GRM7: variants seen among roughly 807,000 people sequenced by gnomAD.
GRM7 encodes the protein metabotropic glutamate receptor 7.
GRM7 carries 35 observed loss-of-function variants against 84.5 expected under a neutral mutation model. The ratio of observed to expected loss-of-function variants is 0.41; its 90% confidence interval spans 0.32 to 0.55. The LOEUF (loss-of-function observed/expected upper bound fraction) is 0.55. Ranked by LOEUF, GRM7 falls within the 20% of genes least tolerant of loss-of-function variation. The pLI, the probability that GRM7 is intolerant of heterozygous loss-of-function variation, is 0.19. For missense variants in GRM7, 1,003 were observed against 1,194.6 expected, an observed-to-expected ratio of 0.84 and a Z score of 2.36; for synonymous variants, 487 against 455.1, an observed-to-expected ratio of 1.07 and a Z score of -0.89.
At chr3:7,216,194 A>T (rs1696603758) in intron 2 of GRM7, among the ~76,000 whole-genome samples, 1 of 152,164 alleles carries the variant, frequency 6.6e-6, no homozygotes, top group South Asian at 2.1e-4. Context: ...TGCCTAATTG[A>T]ACAGGTGACT....
chr3:7,159,116 G>GT (rs1694543725), intron 2 of GRM7, among the ~76,000 whole-genome samples: 1 of 152,116 alleles, frequency 6.6e-6, no homozygotes, highest in African/African-American at 2.4e-5. Flanking sequence ...TTATAGATTA[G>GT]TTATGTGTGT....
chr3:7,273,201 TAA>T (rs372735031), intron 2 of GRM7, among the ~76,000 whole-genome samples: 325 of 150,214 alleles, frequency 2.2e-3, no homozygotes, highest in African/African-American at 7.5e-3. Context: ...TATTGTGGTC[TAA>T]ATACACAGAC....
chr3:6,971,017 CGAGA>C (rs1459829138), intron 1 of GRM7, among the ~76,000 whole-genome samples: 2 of 128,520 alleles, frequency 1.6e-5, no homozygotes, highest in Admixed American at 1.5e-4. Context: ...CAAACAAAAC[CGAGA>C]GAGAGATGAT....
At chr3:7,456,876 G>A (rs1698040330) in intron 6 of GRM7, among the ~76,000 whole-genome samples, 1 of 152,094 alleles carries the variant, frequency 6.6e-6, no homozygotes, top group Non-Finnish European at 1.5e-5. Context: ...AATTTAATCA[G>A]TGGGTCCTAT....
chr3:7,704,204 A>T (rs1012175345), intron 9 of GRM7, among the ~76,000 whole-genome samples: 1 of 152,238 alleles, frequency 6.6e-6, no homozygotes, highest in Non-Finnish European at 1.5e-5. Context: ...TAAATTCAAA[A>T]GTTTTAAAGC....
At chr3:7,389,451 G>A (rs1694906437) in intron 4 of GRM7, among the ~76,000 whole-genome samples, 1 of 152,038 alleles carries the variant, frequency 6.6e-6, no homozygotes, top group Non-Finnish European at 1.5e-5. Flanking sequence ...CTAATGCTTT[G>A]ATGGGTGTGT....
intron 1 of GRM7, among the ~76,000 whole-genome samples, chr3:7,030,131 C>T (rs1021617807): frequency 6.6e-6 from 1 of 151,934 alleles, no homozygotes; most frequent in Non-Finnish European, 1.5e-5. Flanking sequence ...ACTATCAAGG[C>T]AAACATCAAC....
At chr3:7,316,052 G>A (rs9824902) in intron 4 of GRM7, among the ~76,000 whole-genome samples, 2,121 of 152,214 alleles carry the variant, frequency 0.014, 56 homozygotes, top group African/African-American at 0.048. Context: ...ATAAATAAAG[G>A]AATTATCCAA....
chr3:7,688,009 T>A (rs532744350), intron 9 of GRM7, among the ~76,000 whole-genome samples: 1 of 152,126 alleles, frequency 6.6e-6, no homozygotes, highest in African/African-American at 2.4e-5. Flanking sequence ...AAGTTTTTTT[T>A]GTAGTACAAG....
chr3:6,973,734 AT>A (rs1693865976), intron 1 of GRM7, among the ~76,000 whole-genome samples: 1 of 152,234 alleles, frequency 6.6e-6, no homozygotes, highest in African/African-American at 2.4e-5. Context: ...TGCCTAGAAT[AT>A]TCAAAGAGCA....
chr3:7,674,690 G>A (rs1205172410), intron 8 of GRM7, among the ~76,000 whole-genome samples: 1 of 152,174 alleles, frequency 6.6e-6, no homozygotes, highest in African/African-American at 2.4e-5. Flanking sequence ...TTGTGCAACA[G>A]ATGTCTTTCT....
chr3:7,184,533 A>C (rs1695450364), intron 2 of GRM7, among the ~76,000 whole-genome samples: 1 of 152,110 alleles, frequency 6.6e-6, no homozygotes, highest in African/African-American at 2.4e-5. Flanking sequence ...ATTCAGATAT[A>C]ATTCTTTTCT....
intron 2 of GRM7, among the ~76,000 whole-genome samples, chr3:7,291,970 C>A (rs147063433): frequency 0.014 from 2,109 of 152,282 alleles, 19 homozygotes; most frequent in Non-Finnish European, 0.021. Context: ...TAAAGGGAAA[C>A]CCATTTCGCT....
At chr3:7,266,864 G>A (rs923716657) in intron 2 of GRM7, among the ~76,000 whole-genome samples, 1 of 152,122 alleles carries the variant, frequency 6.6e-6, no homozygotes, top group Non-Finnish European at 1.5e-5. Context: ...TCTCAAATAA[G>A]TTTTACTCTG....
At chr3:7,445,690 A>G (rs548428035) in intron 5 of GRM7, among the ~76,000 whole-genome samples, 1 of 152,364 alleles carries the variant, frequency 6.6e-6, no homozygotes. Flanking sequence ...AAATGTGGAC[A>G]CTATGAAAGA....
At chr3:7,112,978 C>T (rs1301664695) in intron 1 of GRM7, among the ~76,000 whole-genome samples, 2 of 152,002 alleles carry the variant, frequency 1.3e-5, no homozygotes, top group African/African-American at 4.8e-5. Flanking sequence ...TTAGACAGCA[C>T]TAGCATCAAA....
intron 4 of GRM7, among the ~76,000 whole-genome samples, chr3:7,406,435 G>A (rs1314454169): frequency 2.0e-5 from 3 of 151,072 alleles, no homozygotes; most frequent in Non-Finnish European, 4.4e-5. Flanking sequence ...GGGGGACGGA[G>A]CTTGCAGTGA....
At chr3:7,150,700 C>A (rs1325846216) in intron 2 of GRM7, among the ~76,000 whole-genome samples, 1 of 152,118 alleles carries the variant, frequency 6.6e-6, no homozygotes, top group Non-Finnish European at 1.5e-5. Flanking sequence ...CTTAATATTG[C>A]AGGGAAGGAA....
chr3:7,285,327 A>AAAC (rs1294057514), intron 2 of GRM7, among the ~76,000 whole-genome samples: 1 of 152,160 alleles, frequency 6.6e-6, no homozygotes, highest in African/African-American at 2.4e-5. Flanking sequence ...TTTCTTTTTA[A>AAAC]AACCCCCTAC....
Sources: gnomAD v4.1 joint callset for allele counts (sites outside exome capture counted in the v4.1 genomes callset) on GRCh38, gnomAD v4.1.1 for gene constraint, MANE v1.5 for transcripts, NCBI Gene and HGNC (gene_info 2026-07-23, HGNC 2026-07-21) for gene names.